GNA15: variants seen among roughly 807,000 people sequenced by gnomAD.
GNA15 encodes the protein G protein subunit alpha 15, also known as guanine nucleotide-binding protein subunit alpha-15.
In GNA15, 23 loss-of-function variants were observed where a neutral mutation model predicts 40.1. The ratio of observed to expected loss-of-function variants is 0.57; its 90% CI spans 0.41 to 0.81. GNA15 has a LOEUF of 0.81. Ranked by LOEUF, GNA15 falls within the 40% of genes least tolerant of loss-of-function variation. The pLI is 0.00. For synonymous variants in GNA15, 226 were observed against 210.4 expected, an observed-to-expected ratio of 1.07 and a Z score of -0.64; for missense variants, 522 against 515.8, an observed-to-expected ratio of 1.01 and a Z score of -0.12.
chr19:3,148,642 A>G lies in GNA15; in HGVS notation c.197A>G (p.His66Arg). 2.5e-6 allele frequency: 4 copies of G among 1,588,714 alleles called. No individual in the cohort carries two copies. The highest frequency in any genetic ancestry group is 3.4e-6 in the Non-Finnish European group (4 of 1,167,304). The change falls in exon 2 of 7, where the codon CAC becomes CGC. Residue 66 changes from histidine to arginine, a missense_variant. Transcript: ENST00000262958. ...STFIKQMRII[H>R]GAGYSEEERK... Reference sequence around the variant, plus strand: ...TTCATCAAGCAGATGCGGATCATCCACGGCGCCGGCTACTCGGAGGAGGAG... The same window carrying G: ...TTCATCAAGCAGATGCGGATCATCCGCGGCGCCGGCTACTCGGAGGAGGAG...
chr19:3,149,625 A>T (rs1914829766), intron 2 of GNA15: 1 of 158,974 alleles, frequency 6.3e-6, no homozygotes, highest in Non-Finnish European at 1.4e-5. Context: ...CAACACTCAG[A>T]GTCCATCACA....
At chr19:3,160,695 A>G (rs529610900) in intron 6 of GNA15, among the ~76,000 whole-genome samples, 1 of 152,304 alleles carries the variant, frequency 6.6e-6, no homozygotes, top group Admixed American at 6.5e-5. Flanking sequence ...AGGAAACAAC[A>G]GAAGTCCAAA....
chr19:3,148,096 TG>T (rs1188327831), intron 1 of GNA15, among the ~76,000 whole-genome samples: 5 of 151,452 alleles, frequency 3.3e-5, no homozygotes, highest in African/African-American at 9.7e-5. Context: ...TTGTTTGTTT[TG>T]TTTTTTTTTG....
intron 1 of GNA15, among the ~76,000 whole-genome samples, chr19:3,145,491 C>T (rs1914699520): frequency 7.5e-6 from 1 of 134,164 alleles, no homozygotes; most frequent in Admixed American, 7.8e-5. Context: ...TACACCATGC[C>T]CAAGCATATA....
Position 3,148,788 on chromosome 19 carries a change from G to A in GNA15, c.330+13G>A. The stretch of plus-strand genomic sequence containing the variant: ...GCCCGAGAGCAAGGTGAGCCGCCAG[G>A]GCAGGCAGGGGCCCAGGGCAGGCAG... On this transcript the variant is annotated intron_variant, in intron 2 of 6. Coordinates refer to ENST00000262958, the MANE Select transcript of GNA15 (RefSeq NM_002068.4). The A allele has an allele frequency of 6.3e-7, 1 of 1,577,506 alleles. No individual in the cohort carries two copies. The highest frequency in any genetic ancestry group is 2.3e-5 in the East Asian group (1 of 43,656).
chr19:3,160,210 A>G (rs1174645736), intron 6 of GNA15, among the ~76,000 whole-genome samples: 4 of 151,722 alleles, frequency 2.6e-5, no homozygotes, highest in Non-Finnish European at 4.4e-5. Flanking sequence ...TTCTTCCCCC[A>G]TATGTCTGGT....
chr19:3,150,076 G>A (rs1914839982), intron 2 of GNA15, 55 bp from the exon 3 acceptor site: 4 of 1,510,782 alleles, frequency 2.6e-6, no homozygotes, highest in Admixed American at 1.8e-5. Context: ...GATGCCTGCG[G>A]AGGGCAGCCC....
intron 1 of GNA15, among the ~76,000 whole-genome samples, chr19:3,138,034 C>T (rs112139111): frequency 2.6e-5 from 4 of 152,202 alleles, no homozygotes; most frequent in Admixed American, 1.3e-4. Flanking sequence ...GACGCCAAGG[C>T]GGGCAGATCA....
intron 6 of GNA15, among the ~76,000 whole-genome samples, chr19:3,158,913 G>A (rs539261380): frequency 1.2e-4 from 19 of 152,308 alleles, no homozygotes; most frequent in African/African-American, 3.8e-4. Context: ...GATTACGGGC[G>A]TGAGCCACCG....
chr19:3,156,194 A>ACTACAGTG (rs1259167854), intron 5 of GNA15, among the ~76,000 whole-genome samples: 4,116 of 91,982 alleles, frequency 0.045, 65 homozygotes, highest in South Asian at 0.07. Flanking sequence ...ACACACACAC[A>ACTACAGTG]CACACACACT....
intron 1 of GNA15, among the ~76,000 whole-genome samples, chr19:3,138,388 G>A (rs1914500290): frequency 1.3e-5 from 2 of 152,170 alleles, no homozygotes; most frequent in Admixed American, 1.3e-4. Flanking sequence ...TAGCCTGGGA[G>A]GGTCTTCTGG....
chr19:3,158,899 C>T (rs1364367992), intron 6 of GNA15, among the ~76,000 whole-genome samples: 2 of 152,242 alleles, frequency 1.3e-5, no homozygotes, highest in Non-Finnish European at 2.9e-5. Flanking sequence ...TCCCAAAGTG[C>T]TGGGATTACG....
intron 1 of GNA15, among the ~76,000 whole-genome samples, chr19:3,148,119 C>T (rs1323426997): frequency 1.3e-5 from 2 of 151,568 alleles, no homozygotes; most frequent in South Asian, 2.1e-4. Context: ...GACAGAATCT[C>T]GCCCTGTCGC....
chr19:3,158,021 T>G, intron 6 of GNA15, 140 bp downstream of exon 6: 1 of 672,196 alleles, frequency 1.5e-6, no homozygotes, highest in Non-Finnish European at 2.7e-6. Context: ...CTCAGCTCCA[T>G]CCACTGCCCG....
chr19:3,153,322 T>G (rs1200726213), intron 4 of GNA15, among the ~76,000 whole-genome samples: 1 of 149,256 alleles, frequency 6.7e-6, no homozygotes, highest in Non-Finnish European at 1.5e-5. Context: ...GATGGATAGA[T>G]GAATAGATGG....
At chr19:3,140,722 T>G (rs146523781) in intron 1 of GNA15, among the ~76,000 whole-genome samples, 3 of 152,136 alleles carry the variant, frequency 2.0e-5, no homozygotes, top group Non-Finnish European at 4.4e-5. Context: ...GCCTGCCATA[T>G]AGTAGATGCT....
chr19:3,154,338 CGGATGAAT>C (rs1914955539), intron 4 of GNA15, among the ~76,000 whole-genome samples: 1 of 106,600 alleles, frequency 9.4e-6, no homozygotes, highest in Non-Finnish European at 1.8e-5. Context: ...TGGTGGGTGA[CGGATGAAT>C]GGATGAATGG....
At chr19:3,157,222 C>T (rs1332741803) in intron 5 of GNA15, among the ~76,000 whole-genome samples, 3 of 152,156 alleles carry the variant, frequency 2.0e-5, no homozygotes, top group East Asian at 3.9e-4. Context: ...TGGTCTCCAA[C>T]TCCTGGCCTC....
rs749787028 is a variant in GNA15 at position 3,151,735 on chromosome 19, G to A, written c.514G>A (p.Glu172Lys). The stretch of plus-strand genomic sequence containing the variant: ...CCTGTCCCACCTGGAGCGCATCACC[G>A]AGGAGGGCTACGTCCCCACAGCTCA... ...YYLSHLERIT[E>K]EGYVPTAQDV... Residue 172 changes from glutamate to lysine, a missense_variant, in exon 4 of 7, where the codon GAG becomes AAG. Transcript: ENST00000262958. The surrounding 1 kb of genome is among the most constrained non-coding windows in gnomAD (Gnocchi z 5.0). The A allele has an allele frequency of 7.5e-6, 12 of 1,608,292 alleles. No homozygotes were observed. The highest frequency in any genetic ancestry group is 1.1e-5 in the South Asian group (1 of 90,636).
Sources: gnomAD v4.1 joint callset for allele counts (sites outside exome capture counted in the v4.1 genomes callset) on GRCh38, gnomAD v4.1.1 for gene constraint, Gnocchi (gnomAD v3.1) non-coding constraint, MANE v1.5 for transcripts, NCBI Gene and HGNC (gene_info 2026-07-23, HGNC 2026-07-21) for gene names.